RCAN3: variants seen among roughly 807,000 people sequenced by gnomAD.
RCAN3 encodes the protein calcipressin-3.
Under a neutral mutation model 21.9 loss-of-function variants are expected in RCAN3, and 19 were observed. That is an observed-to-expected ratio of 0.87 (90% CI 0.61 to 1.27). The LOEUF (loss-of-function observed/expected upper bound fraction) is 1.27. Among genes scored for constraint, RCAN3 ranks in the 50% most tolerant of loss-of-function variants. The pLI, the probability that RCAN3 is intolerant of heterozygous loss-of-function variation, is 0.00. For missense variants in RCAN3, 240 were observed against 300.1 expected (o/e 0.80, Z 1.48); for synonymous variants, 114 against 112.3 (o/e 1.01, Z -0.09).
intron 2 of RCAN3, among the ~76,000 whole-genome samples, chr1:24,526,033 A>G (rs1649225970): frequency 6.6e-6 from 1 of 152,194 alleles, no homozygotes; most frequent in African/African-American, 2.4e-5. Flanking sequence ...GGAGAGAGAA[A>G]GAACACAAAA....
At chr1:24,521,802 C>A (rs1324436000) in intron 2 of RCAN3, among the ~76,000 whole-genome samples, 1 of 151,636 alleles carries the variant, frequency 6.6e-6, no homozygotes, top group Non-Finnish European at 1.5e-5. Context: ...GAGCTGAGAT[C>A]GTGCCATTGT....
intron 1 of RCAN3, among the ~76,000 whole-genome samples, chr1:24,505,232 CTTTTTT>C (rs796980559): frequency 1.5e-5 from 1 of 65,708 alleles, no homozygotes; most frequent in African/African-American, 4.8e-5. Flanking sequence ...TCTCTTTTTT[CTTTTTT>C]TTTTTTTTTT....
chr1:24,509,129 A>G (rs1023555312), intron 1 of RCAN3, among the ~76,000 whole-genome samples: 9 of 152,296 alleles, frequency 5.9e-5, no homozygotes, highest in Middle Eastern at 3.4e-3. Flanking sequence ...CCACTGCACT[A>G]GAGTCTGGGC....
intron 2 of RCAN3, among the ~76,000 whole-genome samples, chr1:24,523,648 A>ATTT (rs1553151346): frequency 0.037 from 5,130 of 139,760 alleles, 232 homozygotes; most frequent in African/African-American, 0.12. Flanking sequence ...ACACATATAT[A>ATTT]TTTTTTTTCT....
upstream of RCAN3, chr1:24,502,778 C>T (rs1647197639): frequency 6.6e-6 from 1 of 151,018 alleles, no homozygotes; most frequent in South Asian, 2.1e-4. Context: ...CGGTCCCCGC[C>T]CGGGTCCCCG....
intron 1 of RCAN3, among the ~76,000 whole-genome samples, chr1:24,510,141 G>C (rs914679264): frequency 2.0e-5 from 3 of 152,202 alleles, no homozygotes; most frequent in Non-Finnish European, 2.9e-5. Flanking sequence ...TCCGTTCATA[G>C]AGCACAGGCA....
chr1:24,510,064 A>G (rs1647752230), intron 1 of RCAN3, among the ~76,000 whole-genome samples: 1 of 152,224 alleles, frequency 6.6e-6, no homozygotes, highest in Admixed American at 6.5e-5. Context: ...GTAGGTCTCA[A>G]GAATGGGCTT....
chr1:24,533,066 C>G lies in RCAN3; in HGVS notation c.370-17C>G, dbSNP rs376206966. The G allele has an allele frequency of 7.2e-7, 1 of 1,379,362 alleles. No homozygotes were observed. The allele number at this position is 1,379,362 out of a possible 1,614,324, so 85.4% of individuals were successfully genotyped here. On this transcript the variant is annotated splice_polypyrimidine_tract_variant and intron_variant, in intron 3 of 4. Coordinates refer to ENST00000374395, the MANE Select transcript of RCAN3 (RefSeq NM_013441.4). ...GCCCGGTTTGCAAACTGGCTTTGAG[C>G]GTCTCGCTCCCTGCAGGTGCAGATG...
rs962606832 is a variant in RCAN3 at position 24,503,163 on chromosome 1, C to CGCGGGGCGGG, written c.-60+29_-60+38dup. Reference sequence around the variant, plus strand: ...GCCTCTCCAGCAGGTTTGCACCCAGCGCGGGGCGGGGCGGGGCGGGGCGGG... The same window carrying CGCGGGGCGGG: ...GCCTCTCCAGCAGGTTTGCACCCAGCGCGGGGCGGGGCGGGGCGGGGCGGGGCGGGGCGGG... On this transcript the variant is annotated intron_variant, in intron 1 of 4. Transcript: ENST00000374395. 1.5e-4 allele frequency: 17 copies of CGCGGGGCGGG among 109,946 alleles called. No homozygotes were observed. The highest frequency in any genetic ancestry group is 2.4e-4 in the Non-Finnish European group (13 of 54,690). The allele number at this position is 109,946 out of a possible 1,614,324, so 6.8% of individuals were successfully genotyped here.
intron 1 of RCAN3, among the ~76,000 whole-genome samples, chr1:24,509,407 T>C (rs1054940715): frequency 6.6e-6 from 1 of 152,236 alleles, no homozygotes; most frequent in Non-Finnish European, 1.5e-5. Flanking sequence ...AACCCTGCCA[T>C]TGCTTTATCA....
chr1:24,504,419 C>CT (rs1647288598), intron 1 of RCAN3, among the ~76,000 whole-genome samples: 1 of 152,182 alleles, frequency 6.6e-6, no homozygotes, highest in South Asian at 2.1e-4. Context: ...CCGCCCACCT[C>CT]TGCCTCCCAA....
intron 1 of RCAN3, among the ~76,000 whole-genome samples, chr1:24,513,542 G>A (rs556254085): frequency 3.3e-5 from 5 of 151,718 alleles, no homozygotes; most frequent in African/African-American, 1.2e-4. Flanking sequence ...GGTGGTACAC[G>A]CCTGTAGTGG....
rs185324356 is a variant in RCAN3 at position 24,535,504 on chromosome 1, A to G, written c.*227A>G. ...CAAAAGGGACTTTACATTAAAGGAG[A>G]AGCCCCCAAGATGTGGCCACCCTTA... On this transcript the variant is annotated 3_prime_UTR_variant, in exon 5 of 5. Coordinates refer to ENST00000374395, the MANE Select transcript of RCAN3 (RefSeq NM_013441.4). 18 of 414,362 alleles carry G rather than the reference A, an allele frequency of 4.3e-5. No homozygotes were observed. In the Admixed American group the frequency reaches 8.1e-4, roughly 19 times the overall value. The allele number at this position is 414,362 out of a possible 1,614,324, so 25.7% of individuals were successfully genotyped here. A position where few individuals can be genotyped will look rare whatever the true frequency, so the allele number is the denominator to read the frequency against.
At chr1:24,528,189 A>T (rs1649424980) in intron 2 of RCAN3, among the ~76,000 whole-genome samples, 1 of 151,784 alleles carries the variant, frequency 6.6e-6, no homozygotes, top group African/African-American at 2.4e-5. Context: ...GTACATTAGC[A>T]TCTTTCATGG....
intron 3 of RCAN3, among the ~76,000 whole-genome samples, chr1:24,532,300 C>T (rs751336334): frequency 5.3e-5 from 8 of 152,076 alleles, no homozygotes; most frequent in Non-Finnish European, 1.0e-4. Context: ...AATCTCAGCT[C>T]ACCACAACCT....
intron 2 of RCAN3, among the ~76,000 whole-genome samples, chr1:24,529,029 T>C (rs1218582421): frequency 6.6e-6 from 1 of 152,118 alleles, no homozygotes; most frequent in Non-Finnish European, 1.5e-5. Flanking sequence ...ATTAAAAAGA[T>C]AAAAAACTCC....
At chr1:24,506,338 T>C (rs1647442355) in intron 1 of RCAN3, among the ~76,000 whole-genome samples, 1 of 151,830 alleles carries the variant, frequency 6.6e-6, no homozygotes, top group Non-Finnish European at 1.5e-5. Context: ...TAAAGAAAAA[T>C]TGAAGGAAAA....
At chr1:24,527,225 G>A (rs1052657886) in intron 2 of RCAN3, among the ~76,000 whole-genome samples, 21 of 152,112 alleles carry the variant, frequency 1.4e-4, no homozygotes, top group African/African-American at 4.8e-4. Flanking sequence ...GCATTGGCCA[G>A]GCTGGTCTCG....
chr1:24,511,449 C>T (rs1361204789), intron 1 of RCAN3, among the ~76,000 whole-genome samples: 1 of 152,066 alleles, frequency 6.6e-6, no homozygotes, highest in Non-Finnish European at 1.5e-5. Flanking sequence ...GACGTGTATT[C>T]GTTGATTAAG....
Sources: gnomAD v4.1 joint callset for allele counts (sites outside exome capture counted in the v4.1 genomes callset) on GRCh38, gnomAD v4.1.1 for gene constraint, MANE v1.5 for transcripts, NCBI Gene and HGNC (gene_info 2026-07-23, HGNC 2026-07-21) for gene names.